LRRC9: variants seen among roughly 807,000 people sequenced by gnomAD.
LRRC9 encodes leucine-rich repeat-containing protein 9.
LRRC9 carries 122 observed loss-of-function variants against 63.2 expected under a neutral mutation model. That is an observed-to-expected ratio of 1.93 (90% CI 1.67 to 2.24). LRRC9 has a LOEUF of 2.24. Ranked by LOEUF, LRRC9 falls within the 30% of genes most tolerant of loss-of-function variation. The probability of loss-of-function intolerance (pLI) is 0.00; values close to 1 mark genes in which losing one functional copy is unlikely to be tolerated. For synonymous variants in LRRC9, 366 were observed against 213.1 expected, an observed-to-expected ratio of 1.72 and a Z score of -6.25; for missense variants, 1,071 against 627.7, an observed-to-expected ratio of 1.71 and a Z score of -7.55.
Position 60,058,665 on chromosome 14 carries a change from G to T in LRRC9, c.4276+643G>T, listed in dbSNP as rs914951681. 3.3e-5 allele frequency among the ~76,000 whole-genome samples: 5 copies of T among 152,076 alleles called. No homozygotes were observed. Among genetic ancestry groups the T allele is most frequent in the Non-Finnish European group, 7.4e-5 (5 of 68,004 alleles). On this transcript the variant is annotated intron_variant, in intron 31 of 31. Transcript: ENST00000445360. The surrounding 1 kb of genome is among the most constrained non-coding windows in gnomAD (Gnocchi z 4.4). Reference sequence around the variant, plus strand: ...GGTTATCATTTTGGCAAAACTGGGGGTAAGTACTCCTTCTCTGAGGGCTCA... The same window carrying T: ...GGTTATCATTTTGGCAAAACTGGGGTTAAGTACTCCTTCTCTGAGGGCTCA...
At chr14:59,926,109 C>A (rs1222317957) in intron 1 of LRRC9, among the ~76,000 whole-genome samples, 1 of 152,174 alleles carries the variant, frequency 6.6e-6, no homozygotes, top group Non-Finnish European at 1.5e-5. Flanking sequence ...AATTAAACCT[C>A]TTTCCTTTAT....
In LRRC9 at chr14:59,955,093, C is replaced by T. The variant is rs529869837; in HGVS notation, c.883-4725C>T. On this transcript the variant is annotated intron_variant, in intron 8 of 31. Transcript: ENST00000445360. Reference sequence around the variant, plus strand: ...CATCAATGTTCATCAGGGTTATTGGCCTGATATTTTCTTTTTTTGTTGTGT... The same window carrying T: ...CATCAATGTTCATCAGGGTTATTGGTCTGATATTTTCTTTTTTTGTTGTGT... Among the ~76,000 whole-genome samples the T allele has an allele frequency of 3.9e-5, 6 of 152,138 alleles. 1 individual carries two copies. Among genetic ancestry groups the T allele is most frequent in the African/African-American group, 1.2e-4 (5 of 41,524 alleles).
chr14:60,057,020 T>C (rs1023124863), intron 30 of LRRC9, among the ~76,000 whole-genome samples: 4 of 152,204 alleles, frequency 2.6e-5, no homozygotes, highest in African/African-American at 9.6e-5. Flanking sequence ...TTAGGGAATT[T>C]AGGACTGAGC....
At chr14:60,063,536 T>A in exon 32 of LRRC9, 1 of 500,670 alleles carries the variant, frequency 2.0e-6, no homozygotes, top group Admixed American at 3.6e-5. Context: ...GAACTTGATT[T>A]AATATCACCT....
chr14:60,050,027 C>T (rs1893757719), intron 29 of LRRC9, among the ~76,000 whole-genome samples: 1 of 151,928 alleles, frequency 6.6e-6, no homozygotes, highest in African/African-American at 2.4e-5. Context: ...GACAGAGTCT[C>T]ACTCTGTCAC....
chr14:60,027,358 AAAT>A lies in LRRC9; in HGVS notation c.3704-523_3704-521del, dbSNP rs1463406066. 2.0e-5 allele frequency among the ~76,000 whole-genome samples: 3 copies of A among 152,058 alleles called. No individual in the cohort carries two copies. The highest frequency in any genetic ancestry group is 4.4e-5 in the Non-Finnish European group (3 of 67,960). On this transcript the variant is annotated intron_variant, in intron 27 of 31. Transcript: ENST00000445360. The surrounding 1 kb of genome is among the most constrained non-coding windows in gnomAD (Gnocchi z 4.0). ...CAATAGAGAGAAATCATAGGTTTAT[AAAT>A]AAGGTTTAGAGTTTTGAAGAATTAA...
intron 17 of LRRC9, among the ~76,000 whole-genome samples, chr14:59,994,190 A>T (rs1409774011): frequency 1.3e-5 from 2 of 152,230 alleles, no homozygotes; most frequent in African/African-American, 4.8e-5. Flanking sequence ...CCCATCAAAA[A>T]GCGGGCAAAG....
In LRRC9 at chr14:59,930,618, G is replaced by T. The variant is rs1055694445; in HGVS notation, c.268-300G>T. 1.4e-4 allele frequency among the ~76,000 whole-genome samples: 21 copies of T among 151,208 alleles called. No individual in the cohort carries two copies. Among genetic ancestry groups the T allele is most frequent in the African/African-American group, 4.9e-4 (20 of 41,164 alleles). ...CATATGATCATAATCATTTCTATAT[G>T]ATTATAATCATAACCATATAGAAAT... On this transcript the variant is annotated intron_variant, in intron 3 of 31. Transcript: ENST00000445360. This position sits in a 1 kb window ranked among gnomAD's most constrained non-coding sequence, Gnocchi z 4.9.
rs1881232036 is a variant in LRRC9, at chr14:59,938,014, A to G, written c.544-376A>G. ...AGAGGAGTGTTTCTAGGTGATAAGT[A>G]CAGGAAATAGGGGTGAAGAAATCAG... On this transcript the variant is annotated intron_variant, in intron 6 of 31. Coordinates refer to ENST00000445360, the Ensembl canonical transcript of LRRC9. This position sits in a 1 kb window ranked among gnomAD's most constrained non-coding sequence, Gnocchi z 4.2. Among the ~76,000 whole-genome samples, 1 of 152,148 alleles carries G rather than the reference A, an allele frequency of 6.6e-6. No homozygotes were observed.
chr14:59,953,780 T>A (rs1225651878), intron 8 of LRRC9, among the ~76,000 whole-genome samples: 1 of 152,208 alleles, frequency 6.6e-6, no homozygotes, highest in Non-Finnish European at 1.5e-5. Flanking sequence ...CTTCTAGGGT[T>A]TTTATGGTTT....
At position 60,058,557 on chromosome 14, in the gene LRRC9, C is replaced by A. The variant is rs1246994785; in HGVS notation, c.4276+535C>A. ...TAAAAGAGGGAGTGTATTAAAAGAA[C>A]AAGCATGGAAGTGGTTTATTCTGCT... On this transcript the variant is annotated intron_variant, in intron 31 of 31. Transcript: ENST00000445360. This position sits in a 1 kb window ranked among gnomAD's most constrained non-coding sequence, Gnocchi z 4.4. 6.6e-6 allele frequency among the ~76,000 whole-genome samples: 1 copy of A among 152,110 alleles called. No homozygotes were observed. Among genetic ancestry groups the A allele is most frequent in the Non-Finnish European group, 1.5e-5 (1 of 67,984 alleles).
Position 60,042,077 on chromosome 14 carries a change from C to T in LRRC9, c.3990+10014C>T, listed in dbSNP as rs533831943. Among the ~76,000 whole-genome samples, 4 of 152,294 alleles carry T rather than the reference C, an allele frequency of 2.6e-5. No homozygotes were observed. Among genetic ancestry groups the T allele is most frequent in the East Asian group, 1.9e-4 (1 of 5,178 alleles). ...CTGCAGAACAGCAAAGATTGCAGAACGGCAAATGTTGCTGCTTGATCCTTC... is the reference window on the plus strand; with the variant it reads ...CTGCAGAACAGCAAAGATTGCAGAATGGCAAATGTTGCTGCTTGATCCTTC... On this transcript the variant is annotated intron_variant, in intron 29 of 31. Transcript: ENST00000445360. The surrounding 1 kb of genome is among the most constrained non-coding windows in gnomAD (Gnocchi z 4.2).
intron 6 of LRRC9, among the ~76,000 whole-genome samples, chr14:59,935,102 A>C (rs1429472217): frequency 6.7e-6 from 1 of 149,788 alleles, no homozygotes; most frequent in Non-Finnish European, 1.5e-5. Flanking sequence ...CCTGGCCAAC[A>C]TGGTGAAACC....
At chr14:59,995,897 G>A (rs757766278) in intron 17 of LRRC9, among the ~76,000 whole-genome samples, 24 of 152,020 alleles carry the variant, frequency 1.6e-4, no homozygotes, top group Non-Finnish European at 2.9e-4. Context: ...TATGCGCCAC[G>A]ATGCCCAGCT....
In LRRC9 at chr14:59,923,033, T is replaced by G. The variant is rs1263798286; in HGVS notation, c.-34+3150T>G. On this transcript the variant is annotated intron_variant, in intron 1 of 31. Coordinates refer to ENST00000445360, the Ensembl canonical transcript of LRRC9. The surrounding 1 kb of genome is among the most constrained non-coding windows in gnomAD (Gnocchi z 4.2). ...TTTGTGGGGGAACTAGAGATGACCT[T>G]TAGCCTCTTAAATGGGCCAGCCCTG... 6.6e-6 allele frequency among the ~76,000 whole-genome samples: 1 copy of G among 152,186 alleles called. No homozygotes were observed. Among genetic ancestry groups the G allele is most frequent in the Non-Finnish European group, 1.5e-5 (1 of 68,030 alleles).
Position 59,979,966 on chromosome 14 carries a change from A to G in LRRC9, c.1878+1834A>G, listed in dbSNP as rs1221385498. ...CATGTACCCTAATACTTAAAGTATA[A>G]TAATAATAAAATTAAAAAAAAGAAA... On this transcript the variant is annotated intron_variant, in intron 15 of 31. Transcript: ENST00000445360. Among the ~76,000 whole-genome samples, 3 of 152,082 alleles carry G rather than the reference A, an allele frequency of 2.0e-5. No individual in the cohort carries two copies. The East Asian group carries it at 5.8e-4, about 29-fold the overall frequency.
chr14:59,935,866 T>C (rs1373059358), intron 6 of LRRC9, among the ~76,000 whole-genome samples: 1 of 152,214 alleles, frequency 6.6e-6, no homozygotes, highest in Non-Finnish European at 1.5e-5. Context: ...GAAGCAATTA[T>C]GACATAAGGC....
At chr14:59,940,660 T>G (rs1881665319) in intron 7 of LRRC9, among the ~76,000 whole-genome samples, 1 of 151,892 alleles carries the variant, frequency 6.6e-6, no homozygotes, top group Admixed American at 6.6e-5. Flanking sequence ...AGTACAGGGT[T>G]GTTTTGGGGG....
intron 30 of LRRC9, among the ~76,000 whole-genome samples, chr14:60,056,171 G>C (rs1340790748): frequency 6.6e-6 from 1 of 152,142 alleles, no homozygotes; most frequent in African/African-American, 2.4e-5. Flanking sequence ...TGCCATGTAA[G>C]GCAAGGTATT....
Sources: gnomAD v4.1 joint callset for allele counts (sites outside exome capture counted in the v4.1 genomes callset) on GRCh38, gnomAD v4.1.1 for gene constraint, Gnocchi (gnomAD v3.1) non-coding constraint, MANE v1.5 for transcripts, NCBI Gene and HGNC (gene_info 2026-07-23, HGNC 2026-07-21) for gene names.